ARHGDIA: variants seen among roughly 807,000 people sequenced by gnomAD.
The protein encoded by ARHGDIA is Rho GDP dissociation inhibitor alpha.
In ARHGDIA, 9 loss-of-function variants were observed where a neutral mutation model predicts 25.0. That is an observed-to-expected ratio of 0.36 (90% confidence interval 0.22 to 0.63). The LOEUF (loss-of-function observed/expected upper bound fraction) is 0.63, where lower values mean the gene tolerates loss of function less well. ARHGDIA is among the 20% of genes least tolerant of loss of function. ARHGDIA has a pLI of 0.69. For missense variants in ARHGDIA, 239 were observed against 264.3 expected, an observed-to-expected ratio of 0.90 and a Z score of 0.66; for synonymous variants, 166 against 111.5, an observed-to-expected ratio of 1.49 and a Z score of -3.08.
chr17:81,870,282 C>G, intron 1 of ARHGDIA: 1 of 311,884 alleles, frequency 3.2e-6, no homozygotes, highest in Non-Finnish European at 6.1e-6. Context: ...CGGCGGGGCC[C>G]ACACTAAACC....
rs1248793586 is a variant in ARHGDIA at position 81,869,757 on chromosome 17, G to A, written c.174C>T (p.Arg58=). ...LRKYKEALLG[R]VAVSADPNVP... ...CAGACTCACCTGCGGAAACGGCCAC[G>A]CGGCCCAGCAGGGCCTCCTTGTACT... The change falls in exon 2 of 6, where the codon CGC becomes CGT. Residue 58 remains arginine (R), a synonymous_variant. Transcript: ENST00000269321. The A allele has an allele frequency of 1.2e-6, 2 of 1,613,344 alleles. No individual in the cohort carries two copies. Among genetic ancestry groups the A allele is most frequent in the Non-Finnish European group, 1.7e-6 (2 of 1,179,776 alleles).
Position 81,868,489 on chromosome 17 carries a change from G to A in ARHGDIA, c.*387C>T, listed in dbSNP as rs1318586518. 1.3e-6 allele frequency: 2 copies of A among 1,525,688 alleles called. No individual in the cohort carries two copies. The highest frequency in any genetic ancestry group is 2.7e-5 in the African/African-American group (2 of 72,888). The allele number at this position is 1,525,688 out of a possible 1,614,324, so 94.5% of individuals were successfully genotyped here. A position where few individuals can be genotyped will look rare whatever the true frequency, so the allele number is the denominator to read the frequency against. ...CACACCCCAGCTCCACCCCGGAGCAGCAGACGCACACGTCCAGGGGCAACC... is the reference window on the plus strand; with the variant it reads ...CACACCCCAGCTCCACCCCGGAGCAACAGACGCACACGTCCAGGGGCAACC... On this transcript the variant is annotated 3_prime_UTR_variant, in exon 6 of 6. Coordinates refer to ENST00000269321, the MANE Select transcript of ARHGDIA (RefSeq NM_004309.6).
Position 81,868,703 on chromosome 17 carries a change from T to C in ARHGDIA, c.*173A>G, listed in dbSNP as rs1478250781. 6.6e-7 allele frequency: 1 copy of C among 1,524,244 alleles called. No homozygotes were observed. 94.4% of individuals were successfully genotyped at this position (1,524,244 alleles called of 1,614,324 possible). A position where few individuals can be genotyped will look rare whatever the true frequency, so the allele number is the denominator to read the frequency against. On this transcript the variant is annotated 3_prime_UTR_variant, in exon 6 of 6. Coordinates refer to ENST00000269321, the MANE Select transcript of ARHGDIA (RefSeq NM_004309.6). ...GCTGGGCCTGTGGGTGGGGGAGGGC[T>C]GAGGAGGGGGGTCGGAGGCACTCGG...
In ARHGDIA at chr17:81,869,721, C is replaced by G. The variant is rs1165361180; in HGVS notation, c.190+20G>C. ...CTGGAGTGAACGGGCGGCCACCCGG[C>G]TCCCGCAGCCCAGACTCACCTGCGG... On this transcript the variant is annotated intron_variant, in intron 2 of 5. Coordinates refer to ENST00000269321, the MANE Select transcript of ARHGDIA (RefSeq NM_004309.6). 4 of 1,604,336 alleles carry G rather than the reference C, an allele frequency of 2.5e-6. No homozygotes were observed. The highest frequency in any genetic ancestry group is 2.6e-6 in the Non-Finnish European group (3 of 1,175,608).
In ARHGDIA at chr17:81,869,564, G is replaced by T; in HGVS notation, c.252C>A (p.Gly84=). The change falls in exon 3 of 6, where the codon GGC becomes GGA. Residue 84 remains glycine, a synonymous_variant. Transcript: ENST00000269321. ...GLTLVCSSAP[G]PLELDLTGDL... ...CACCCGTCAGGTCCAGCTCCAGGGG[G>T]CCCGGGGCCGAGCTGCACACCAGGG... The T allele has an allele frequency of 6.4e-7, 1 of 1,555,012 alleles. No homozygotes were observed. The highest frequency in any genetic ancestry group is 8.7e-7 in the Non-Finnish European group (1 of 1,153,696).
intron 3 of ARHGDIA, 59 bp downstream of exon 3, chr17:81,869,483 G>A: frequency 1.2e-6 from 2 of 1,608,908 alleles, no homozygotes; most frequent in Non-Finnish European, 1.7e-6. Flanking sequence ...CCCCCTGGCT[G>A]CACTTCCCGA....
At chr17:81,869,299 C>T in intron 4 of ARHGDIA, 31 bp downstream of exon 4, 1 of 1,614,058 alleles carries the variant, frequency 6.2e-7, no homozygotes, top group Non-Finnish European at 8.5e-7. Context: ...GCCCCGCCTC[C>T]ATTCCCTGGC....
Position 81,868,178 on chromosome 17 carries a change from T to C in ARHGDIA, c.*698A>G. Reference sequence around the variant, plus strand: ...GGCTTTCCCCAAGCCGCCGGAGCCATCTCCACAGCCCTGTCCAGGGAAGGG... The same window carrying C: ...GGCTTTCCCCAAGCCGCCGGAGCCACCTCCACAGCCCTGTCCAGGGAAGGG... On this transcript the variant is annotated 3_prime_UTR_variant, in exon 6 of 6. Coordinates refer to ENST00000269321, the MANE Select transcript of ARHGDIA (RefSeq NM_004309.6). 1.7e-6 allele frequency: 1 copy of C among 573,604 alleles called. No homozygotes were observed. The highest frequency in any genetic ancestry group is 2.8e-6 in the Non-Finnish European group (1 of 353,318). 35.5% of individuals were successfully genotyped at this position (573,604 alleles called of 1,614,324 possible).
Position 81,867,973 on chromosome 17 carries a change from T to G in ARHGDIA, c.*903A>C. ...CCAGGGACGGCACGGACGGAGGCAA[T>G]AAATACTGATGGCCAGGCGGGGCTC... On this transcript the variant is annotated 3_prime_UTR_variant, in exon 6 of 6. Coordinates refer to ENST00000269321, the MANE Select transcript of ARHGDIA (RefSeq NM_004309.6). 1.1e-5 allele frequency: 2 copies of G among 175,472 alleles called. No individual in the cohort carries two copies. Among genetic ancestry groups the G allele is most frequent in the African/African-American group, 2.4e-5 (1 of 42,188 alleles). The allele number at this position is 175,472 out of a possible 1,614,324, so 10.9% of individuals were successfully genotyped here. A position where few individuals can be genotyped will look rare whatever the true frequency, so the allele number is the denominator to read the frequency against.
At position 81,868,829 on chromosome 17, in the gene ARHGDIA, TGTCCGTC is replaced by T. The variant is rs758232372; in HGVS notation, c.*40_*46del. The stretch of plus-strand genomic sequence containing the variant: ...AGGGGCTGGGGGGGACACATCCGCC[TGTCCGTC>T]GTCCGTCCGTCAGTCTGCCCTGCCC... On this transcript the variant is annotated 3_prime_UTR_variant, in exon 6 of 6. Transcript: ENST00000269321. The T allele has an allele frequency of 1.0e-4, 163 of 1,612,238 alleles. No homozygotes were observed. The South Asian group carries it at 1.7e-3, about 17-fold the overall frequency.
chr17:81,870,044 C>T (rs1220863777), intron 1 of ARHGDIA, 87 bp from the exon 2 acceptor site: 3 of 1,350,798 alleles, frequency 2.2e-6, no homozygotes, highest in Non-Finnish European at 1.0e-6. Flanking sequence ...AGCCGGAGCT[C>T]CAAAAGGGCT....
rs1302009248 is a variant in ARHGDIA at position 81,869,833 on chromosome 17, T to C, written c.98A>G (p.Lys33Arg). 6.2e-7 allele frequency: 1 copy of C among 1,614,032 alleles called. No individual in the cohort carries two copies. Among genetic ancestry groups the C allele is most frequent in the East Asian group, 2.2e-5 (1 of 44,900 alleles). Reference sequence around the variant, plus strand: ...CAGCTCCTGGATCTCCTGGATGCTCTTCTGGGCCGGGGGCTTGTAGTTGAC... The same window carrying C: ...CAGCTCCTGGATCTCCTGGATGCTCCTCTGGGCCGGGGGCTTGTAGTTGAC... ...HSVNYKPPAQ[K>R]SIQEIQELDK... is the part of the protein sequence containing the mutation. Residue 33 changes from lysine (K) to arginine (R), a missense_variant, in exon 2 of 6, where the codon AAG becomes AGG. Lys to Arg is a conservative substitution (Grantham distance 26). Around this residue, in one of 3 missense-constraint regions of ARHGDIA, gnomAD observed 135 missense variants for 119.8 expected, o/e 1.13. Coordinates refer to ENST00000269321, the MANE Select transcript of ARHGDIA (RefSeq NM_004309.6).
chr17:81,869,639 G>A lies in ARHGDIA; in HGVS notation c.191-14C>T. 1.3e-6 allele frequency: 2 copies of A among 1,516,196 alleles called. No individual in the cohort carries two copies. Among genetic ancestry groups the A allele is most frequent in the South Asian group, 1.3e-5 (1 of 77,124 alleles). 93.9% of individuals were successfully genotyped at this position (1,516,196 alleles called of 1,614,324 possible). ...GGACGTTGGGGTCTGGGGAGTGACAGCAGGTGAGGGCCCCACCCCCACCAG... is the reference window on the plus strand; with the variant it reads ...GGACGTTGGGGTCTGGGGAGTGACAACAGGTGAGGGCCCCACCCCCACCAG... On this transcript the variant is annotated splice_polypyrimidine_tract_variant and intron_variant, in intron 2 of 5. Transcript: ENST00000269321.
chr17:81,870,939 AG>A (rs1430905076), intron 1 of ARHGDIA: 1 of 150,810 alleles, frequency 6.6e-6, no homozygotes, highest in Non-Finnish European at 1.5e-5. Flanking sequence ...CGCGTCCCCA[AG>A]GAGGGGCCCT....
rs903397347 is a variant in ARHGDIA at position 81,870,052 on chromosome 17, G to A, written c.-27-95C>T. The A allele has an allele frequency of 2.8e-5, 35 of 1,266,454 alleles. 1 individual carries two copies. The Admixed American group carries it at 7.9e-4, about 29-fold the overall frequency. 78.5% of individuals were successfully genotyped at this position (1,266,454 alleles called of 1,614,324 possible). ...GGGCTGCAGCCGGAGCTCCAAAAGG[G>A]CTCCAAGGGGGCCACCTTCGCTCCT... is the stretch of plus-strand genomic sequence containing the variant. On this transcript the variant is annotated intron_variant, in intron 1 of 5. Coordinates refer to ENST00000269321, the MANE Select transcript of ARHGDIA (RefSeq NM_004309.6).
In ARHGDIA at chr17:81,868,237, C is replaced by T; in HGVS notation, c.*639G>A. ...GGCCAGGCACTGGTGGGCTGGGGAG[C>T]AGCAGCAGCACACCCCACGTGTCCC... is the stretch of plus-strand genomic sequence containing the variant. On this transcript the variant is annotated 3_prime_UTR_variant, in exon 6 of 6. Transcript: ENST00000269321. The T allele has an allele frequency of 9.0e-6, 8 of 890,954 alleles. No individual in the cohort carries two copies. The highest frequency in any genetic ancestry group is 1.3e-5 in the Non-Finnish European group (8 of 622,728). 55.2% of individuals were successfully genotyped at this position (890,954 alleles called of 1,614,324 possible).
rs2039293100 is a variant in ARHGDIA, at chr17:81,871,328, C to G, written c.-58G>C. On this transcript the variant is annotated 5_prime_UTR_variant, in exon 1 of 6. Transcript: ENST00000269321. ...GGTTCGGCCGCGCGGTTCAGGATCC[C>G]TCCCGCACTAAATGACGAACGTCGT... is the stretch of plus-strand genomic sequence containing the variant. The G allele has an allele frequency of 1.3e-5, 2 of 152,416 alleles. No homozygotes were observed. Among genetic ancestry groups the G allele is most frequent in the Admixed American group, 6.6e-5 (1 of 15,248 alleles). 9.4% of individuals were successfully genotyped at this position (152,416 alleles called of 1,614,324 possible).
In ARHGDIA at chr17:81,868,658, C is replaced by CGAGACAGGAGACCGAGGAGGCT; in HGVS notation, c.*196_*217dup. 1 of 1,535,044 alleles carries CGAGACAGGAGACCGAGGAGGCT rather than the reference C, an allele frequency of 6.5e-7. No homozygotes were observed. The highest frequency in any genetic ancestry group is 8.7e-7 in the Non-Finnish European group (1 of 1,146,742). On this transcript the variant is annotated 3_prime_UTR_variant, in exon 6 of 6. Transcript: ENST00000269321. ...CCCACAGCACAGGCAGAAGCAGCAA[C>CGAGACAGGAGACCGAGGAGGCT]GAGACAGGAGACCGAGGAGGCTGGG...
At position 81,869,189 on chromosome 17, in the gene ARHGDIA, G is replaced by A. The variant is rs765561186; in HGVS notation, c.399C>T (p.Tyr133=). 7 of 1,614,042 alleles carry A rather than the reference G, an allele frequency of 4.3e-6. No individual in the cohort carries two copies. The South Asian group carries it at 7.7e-5, about 18-fold the overall frequency. The change falls in exon 5 of 6, where the codon TAC becomes TAT. Residue 133 remains tyrosine (Y), a synonymous_variant. Transcript: ENST00000269321. ...VSGMKYIQHT[Y]RKGVKIDKTD... is the part of the protein sequence containing the mutation. ...CCCACTCACTCTTGACGCCTTTCCT[G>A]TACGTATGCTGGATGTACTTCATGC...
Sources: gnomAD v4.1 joint callset for allele counts on GRCh38, gnomAD v4.1.1 for gene constraint, gnomAD v4.1.1 regional missense constraint, MANE v1.5 for transcripts, NCBI Gene and HGNC (gene_info 2026-07-23, HGNC 2026-07-21) for gene names.